The following CDAN1 variants were observed in gnomAD, a reference collection of about 807,000 sequenced individuals.
CDAN1 encodes the protein codanin-1.
CDAN1 carries 107 observed loss-of-function variants against 139.8 expected under a neutral mutation model. That is an observed-to-expected ratio of 0.77 (90% confidence interval 0.65 to 0.90). CDAN1 has a LOEUF of 0.90. CDAN1 is among the 40% of genes least tolerant of loss of function. The pLI, the probability that CDAN1 is intolerant of heterozygous loss-of-function variation, is 0.00. For synonymous variants in CDAN1, 776 were observed against 660.6 expected, an observed-to-expected ratio of 1.17 and a Z score of -2.68; for missense variants, 1,667 against 1,575.7, an observed-to-expected ratio of 1.06 and a Z score of -0.98.
At chr15:42,732,558 G>A in intron 9 of CDAN1, 150 bp from the exon 10 acceptor site, 1 of 721,470 alleles carries the variant, frequency 1.4e-6, no homozygotes, top group Admixed American at 2.0e-5. Context: ...GACACTGAAG[G>A]CAAGGGACAC....
chr15:42,724,823 G>T, intron 27 of CDAN1: 2 of 657,964 alleles, frequency 3.0e-6, no homozygotes, highest in Non-Finnish European at 5.3e-6. Flanking sequence ...GGAGGCACAG[G>T]CTTGACCAGT....
rs8027427 is a variant in CDAN1, at chr15:42,732,976, T to A, written c.1457+121A>T. 0.3 allele frequency: 244,143 copies of A among 823,006 alleles called. 48,210 individuals carry two copies. Among genetic ancestry groups the A allele is most frequent in the African/African-American group, 0.84 (50,180 of 59,602 alleles). 51.0% of individuals were successfully genotyped at this position (823,006 alleles called of 1,614,324 possible). ...TAACTAAAGAGATTTCGGAGGATAG[T>A]AGAAAACAGCTAATGGCTGGTAGGA... is the stretch of plus-strand genomic sequence containing the variant. On this transcript the variant is annotated intron_variant, in intron 9 of 27. Coordinates refer to ENST00000356231, the MANE Select transcript of CDAN1 (RefSeq NM_138477.4).
At chr15:42,729,987 C>A in intron 15 of CDAN1, 102 bp from the exon 16 acceptor site, 1 of 1,211,496 alleles carries the variant, frequency 8.3e-7, no homozygotes, top group Non-Finnish European at 1.2e-6. Flanking sequence ...TCAAAGCAGC[C>A]ACCTCTGAGA....
Position 42,736,083 on chromosome 15 carries a change from TGA to T in CDAN1, c.570-7_570-6del, listed in dbSNP as rs779374217. On this transcript the variant is annotated splice_region_variant and splice_polypyrimidine_tract_variant and intron_variant, in intron 2 of 27. Coordinates refer to ENST00000356231, the MANE Select transcript of CDAN1 (RefSeq NM_138477.4). ...ATCCTGCGAGAAGGCTTCGTCCTGC[TGA>T]GAGTAGCCACAGGTTTTTCTCAAAT... 2.1e-5 allele frequency: 34 copies of T among 1,614,064 alleles called. No individual in the cohort carries two copies. Among genetic ancestry groups the T allele is most frequent in the Non-Finnish European group, 2.9e-5 (34 of 1,179,932 alleles).
chr15:42,725,034 ACT>A (rs933113157), intron 27 of CDAN1, 108 bp downstream of exon 27: 13 of 863,022 alleles, frequency 1.5e-5, no homozygotes, highest in East Asian at 2.6e-5. Context: ...GGCCCTGAAG[ACT>A]CTTGACAAAA....
chr15:42,729,193 T>G, intron 18 of CDAN1, 36 bp downstream of exon 18: 4 of 598,026 alleles, frequency 6.7e-6, no homozygotes, highest in African/African-American at 3.4e-5. Flanking sequence ...CAACCCCCCC[T>G]CATTTTCCCC....
rs1595846383 is a variant in CDAN1 at position 42,723,955 on chromosome 15, G to A, written c.*536C>T. 2 of 166,892 alleles carry A rather than the reference G, an allele frequency of 1.2e-5. No homozygotes were observed. Among genetic ancestry groups the A allele is most frequent in the Admixed American group, 5.6e-5 (1 of 17,702 alleles). The allele number at this position is 166,892 out of a possible 1,614,324, so 10.3% of individuals were successfully genotyped here. A position where few individuals can be genotyped will look rare whatever the true frequency, so the allele number is the denominator to read the frequency against. ...AATTCCTGACCTCAGGCAGTCCGCC[G>A]ACCTCAGGCCTCTCAAAGTGCTGGG... On this transcript the variant is annotated 3_prime_UTR_variant, in exon 28 of 28. Coordinates refer to ENST00000356231, the MANE Select transcript of CDAN1 (RefSeq NM_138477.4).
intron 20 of CDAN1, 58 bp from the exon 21 acceptor site, chr15:42,728,325 T>G: frequency 6.4e-7 from 1 of 1,570,912 alleles, no homozygotes; most frequent in Non-Finnish European, 8.8e-7. Context: ...GCTGCAGAAG[T>G]AAATGCCCCG....
In CDAN1 at chr15:42,726,359, T is replaced by A. The variant is rs781379707; in HGVS notation, c.3155A>T (p.His1052Leu). The A allele has an allele frequency of 1.9e-6, 3 of 1,598,260 alleles. No homozygotes were observed. In the South Asian group the frequency reaches 3.4e-5, roughly 18 times the overall value. ...RDPDEGVSPE[H>L]LEQLLGQLGQ... ...CAGCTGGCCTAGGAGCTGTTCCAGATGCTCTGGGGAGACTCCCTCGTCAGG... is the reference window on the plus strand; with the variant it reads ...CAGCTGGCCTAGGAGCTGTTCCAGAAGCTCTGGGGAGACTCCCTCGTCAGG... The change falls in exon 24 of 28, where the codon CAT becomes CTT. Residue 1052 changes from histidine to leucine, a missense_variant. By Grantham distance (99) the His-to-Leu change is moderately conservative (BLOSUM62 -3). Coordinates refer to ENST00000356231, the MANE Select transcript of CDAN1 (RefSeq NM_138477.4).
Position 42,729,235 on chromosome 15 carries a change from C to G in CDAN1, c.2535G>C (p.Gly845=). Reference sequence around the variant, plus strand: ...GTCTCCGCCCTGCCCTTACCTGCAGCCCCTGGCTGGTCTGGGAAGGCTGGG... The same window carrying G: ...GTCTCCGCCCTGCCCTTACCTGCAGGCCCTGGCTGGTCTGGGAAGGCTGGG... ...LGAQPSQTSQ[G]LQAQLAQAFF... The change falls in exon 18 of 28, where the codon GGG becomes GGC. Residue 845 remains glycine (G), a synonymous_variant. Transcript: ENST00000356231. 6.2e-7 allele frequency: 1 copy of G among 1,613,918 alleles called. No individual in the cohort carries two copies. Among genetic ancestry groups the G allele is most frequent in the South Asian group, 1.1e-5 (1 of 91,066 alleles).
chr15:42,728,232 G>A lies in CDAN1; in HGVS notation c.2840C>T (p.Ala947Val), dbSNP rs201757681. Residue 947 changes from alanine (A) to valine (V), a missense_variant, in exon 21 of 28, where the codon GCG (alanine) becomes GTG (valine). Ala to Val is a moderately conservative substitution (Grantham distance 64). This residue lies in a region of CDAN1 where 936 missense variants were observed against 844.1 expected (regional missense o/e 1.11). Transcript: ENST00000356231. ...TGCCGGGGTCTCCTCTGGAAGCAGC[G>A]CCCGCACAGCCCCAGGGCTCTTCCT... ...CQRKSPGAVR[A>V]LLPEETPAAV... is the part of the protein sequence containing the mutation. 1.5e-5 allele frequency: 25 copies of A among 1,613,772 alleles called. No individual in the cohort carries two copies. Among genetic ancestry groups the A allele is most frequent in the East Asian group, 6.7e-5 (3 of 44,880 alleles).
At chr15:42,731,184 A>G (rs1175259269) in intron 12 of CDAN1, 27 bp downstream of exon 12, 2 of 1,614,072 alleles carry the variant, frequency 1.2e-6, no homozygotes, top group Non-Finnish European at 1.7e-6. Flanking sequence ...GTCAGACCCC[A>G]TTATTTCCCT....
chr15:42,732,692 G>C (rs1172678573), intron 9 of CDAN1, among the ~76,000 whole-genome samples: 1 of 152,180 alleles, frequency 6.6e-6, no homozygotes, highest in Admixed American at 6.5e-5. Flanking sequence ...GCAATGTGAA[G>C]GGAGATGACT....
chr15:42,726,139 G>T lies in CDAN1; in HGVS notation c.3226C>A (p.Gln1076Lys). Residue 1076 changes from glutamine (Q) to lysine (K), a missense_variant, in exon 25 of 28, where the codon CAG (glutamine) becomes AAG (lysine). Physicochemically the swap from Gln to Lys is moderately conservative, Grantham distance 53. Transcript: ENST00000356231. Reference protein sequence around the residue: ...CRQFLCPPAEQHLAKCSVELA... With the variant: ...CRQFLCPPAEKHLAKCSVELA... ...TCCACAGAGCACTTTGCCAGATGCT[G>T]CTCAGCAGGTGGGCACAGGAACTGC... The T allele has an allele frequency of 1.2e-6, 2 of 1,614,210 alleles. No individual in the cohort carries two copies. The highest frequency in any genetic ancestry group is 1.7e-6 in the Non-Finnish European group (2 of 1,180,038).
chr15:42,731,659 C>T lies in CDAN1; in HGVS notation c.1700G>A (p.Cys567Tyr). The T allele has an allele frequency of 6.2e-7, 1 of 1,614,182 alleles. No individual in the cohort carries two copies. The highest frequency in any genetic ancestry group is 8.5e-7 in the Non-Finnish European group (1 of 1,180,028). Residue 567 changes from cysteine (C) to tyrosine (Y), a missense_variant, in exon 11 of 28, where the codon TGT becomes TAT. Physicochemically the swap from Cys to Tyr is radical, Grantham distance 194 (BLOSUM62 -2). This residue lies in a region of CDAN1 where 936 missense variants were observed against 844.1 expected (regional missense o/e 1.11). Coordinates refer to ENST00000356231, the MANE Select transcript of CDAN1 (RefSeq NM_138477.4). Reference sequence around the variant, plus strand: ...GATGAAGTCCCTAAAGAAGCCTTGACAGCCTGGGAAGGTGGGGGGTGGGCA... The same window carrying T: ...GATGAAGTCCCTAAAGAAGCCTTGATAGCCTGGGAAGGTGGGGGGTGGGCA... ...GPCPPPTFPG[C>Y]QGFFRDFILS...
At chr15:42,732,192 C>A in intron 10 of CDAN1, 141 bp downstream of exon 10, 1 of 838,524 alleles carries the variant, frequency 1.2e-6, no homozygotes. Flanking sequence ...GTTTCAGCCA[C>A]TCCGCGAGGA....
intron 17 of CDAN1, 74 bp from the exon 18 acceptor site, chr15:42,729,436 G>C (rs1438897412): frequency 1.9e-6 from 3 of 1,604,480 alleles, no homozygotes; most frequent in Non-Finnish European, 1.7e-6. Context: ...TTTACTTGTG[G>C]AGTCAAGAGG....
chr15:42,729,726 G>C, intron 16 of CDAN1, 70 bp downstream of exon 16: 2 of 1,589,204 alleles, frequency 1.3e-6, no homozygotes, highest in Non-Finnish European at 1.7e-6. Context: ...CCCCTGGCTG[G>C]GCCTCCCCAG....
chr15:42,728,548 G>A, intron 20 of CDAN1, 104 bp downstream of exon 20: 1 of 1,477,442 alleles, frequency 6.8e-7, no homozygotes, highest in Non-Finnish European at 9.4e-7. Context: ...AAGAAAAAAG[G>A]AGGCATGAAG....
Sources: allele counts gnomAD v4.1 joint callset (sites outside exome capture counted in the v4.1 genomes callset), GRCh38; gene constraint gnomAD v4.1.1; regional missense constraint gnomAD v4.1.1; transcripts MANE v1.5; gene names NCBI Gene and HGNC (gene_info 2026-07-23, HGNC 2026-07-21).